The following ANKRD17 variants were observed in gnomAD, a reference collection of about 807,000 sequenced individuals.
ANKRD17 encodes the protein ankyrin repeat domain-containing protein 17.
In ANKRD17, 19 loss-of-function variants were observed where a neutral mutation model predicts 229.7. The observed-to-expected ratio is 0.08, with a 90% CI of 0.06 to 0.12. ANKRD17 has a LOEUF of 0.12. ANKRD17 is among the 10% of genes least tolerant of loss of function. The pLI, the probability that ANKRD17 is intolerant of heterozygous loss-of-function variation, is 1.00. For missense variants in ANKRD17, 2,176 were observed against 3,176.8 expected (o/e 0.68, Z 7.57); for synonymous variants, 1,112 against 1,146.1 (o/e 0.97, Z 0.60).
chr4:73,144,217 G>T lies in ANKRD17; in HGVS notation c.1957+528C>A, dbSNP rs1053039101. On this transcript the variant is annotated intron_variant, in intron 11 of 33. Coordinates refer to ENST00000358602, the MANE Select transcript of ANKRD17 (RefSeq NM_032217.5). ...CCTTTTATTTTATTTGGTCATTAAG[G>T]TCTTTGGTATTCAAACTAAAATTTC... Among the ~76,000 whole-genome samples the T allele has an allele frequency of 8.5e-5, 13 of 152,154 alleles. No individual in the cohort carries two copies. The East Asian group carries it at 2.5e-3, about 29-fold the overall frequency.
intron 24 of ANKRD17, among the ~76,000 whole-genome samples, chr4:73,109,850 T>A (rs1725089242): frequency 6.6e-6 from 1 of 151,604 alleles, no homozygotes; most frequent in African/African-American, 2.4e-5. Flanking sequence ...TCTTACCATT[T>A]ATTGGTCGGT....
At chr4:73,235,654 T>G (rs1209801156) in intron 1 of ANKRD17, among the ~76,000 whole-genome samples, 2 of 152,184 alleles carry the variant, frequency 1.3e-5, no homozygotes. Context: ...CCCGGATAAA[T>G]AGAGTTATAC....
Position 73,082,331 on chromosome 4 carries a change from T to TA in ANKRD17, c.7159+2917dup, listed in dbSNP as rs142215473. Among the ~76,000 whole-genome samples, 723 of 151,654 alleles carry TA rather than the reference T, an allele frequency of 4.8e-3. 3 individuals carry two copies. The highest frequency in any genetic ancestry group is 6.0e-3 in the Non-Finnish European group (404 of 67,872). On this transcript the variant is annotated intron_variant, in intron 30 of 33. Coordinates refer to ENST00000358602, the MANE Select transcript of ANKRD17 (RefSeq NM_032217.5). ...AAAAAATAAATACATAAAAATAAAA[T>TA]AAAAACATTAGCTGGGTGCTATGGC... is the stretch of plus-strand genomic sequence containing the variant.
chr4:73,101,046 A>AG, intron 25 of ANKRD17: 1 of 908,152 alleles, frequency 1.1e-6, no homozygotes, highest in Non-Finnish European at 1.3e-6. Flanking sequence ...TAGGTATTAG[A>AG]GGTAATGTAG....
At chr4:73,214,632 T>C (rs1323939532) in intron 1 of ANKRD17, among the ~76,000 whole-genome samples, 1 of 150,950 alleles carries the variant, frequency 6.6e-6, no homozygotes, top group African/African-American at 2.4e-5. Flanking sequence ...CACTCACAAT[T>C]TTGTATTAAA....
At chr4:73,101,254 T>A in intron 25 of ANKRD17, 1 of 963,234 alleles carries the variant, frequency 1.0e-6, no homozygotes, top group Non-Finnish European at 1.2e-6. Context: ...AATGATTCCT[T>A]CATTTGAAGA....
At chr4:73,101,268 CGAT>C in intron 25 of ANKRD17, 1 of 946,416 alleles carries the variant, frequency 1.1e-6, no homozygotes, top group Non-Finnish European at 1.3e-6. Flanking sequence ...TTGAAGAAAT[CGAT>C]GATCTGGATT....
At chr4:73,130,060 C>G (rs1728002356) in intron 16 of ANKRD17, among the ~76,000 whole-genome samples, 1 of 152,084 alleles carries the variant, frequency 6.6e-6, no homozygotes, top group Non-Finnish European at 1.5e-5. Context: ...CCACTGCACT[C>G]TGCCTATTAA....
chr4:73,081,591 T>C (rs1384593849), intron 30 of ANKRD17, among the ~76,000 whole-genome samples: 1 of 152,178 alleles, frequency 6.6e-6, no homozygotes, highest in Non-Finnish European at 1.5e-5. Flanking sequence ...AACATCAGCT[T>C]ATATATTAGA....
intron 1 of ANKRD17, among the ~76,000 whole-genome samples, chr4:73,249,209 C>T (rs1410362757): frequency 6.6e-6 from 1 of 152,084 alleles, no homozygotes; most frequent in Non-Finnish European, 1.5e-5. Flanking sequence ...ATAAAGAAAC[C>T]CAGACCAAGA....
chr4:73,160,379 C>T (rs911417525), intron 3 of ANKRD17, among the ~76,000 whole-genome samples: 10 of 152,212 alleles, frequency 6.6e-5, no homozygotes, highest in South Asian at 6.2e-4. Flanking sequence ...CCACCACACC[C>T]GGCTAATTTT....
intron 29 of ANKRD17, among the ~76,000 whole-genome samples, chr4:73,086,950 A>ATATATATC (rs1395320739): frequency 1.2e-4 from 11 of 94,192 alleles, no homozygotes; most frequent in African/African-American, 3.7e-4. Flanking sequence ...ATATATATAT[A>ATATATATC]TATCTGTAGG....
At chr4:73,183,232 G>T in intron 1 of ANKRD17, among the ~76,000 whole-genome samples, 1 of 152,070 alleles carries the variant, frequency 6.6e-6, no homozygotes, top group African/African-American at 2.4e-5. Context: ...TGTAAAAACA[G>T]TATTTTTGAG....
intron 1 of ANKRD17, among the ~76,000 whole-genome samples, chr4:73,229,517 CTCTCA>C (rs749933859): frequency 2.0e-5 from 3 of 151,678 alleles, no homozygotes; most frequent in Non-Finnish European, 2.9e-5. Flanking sequence ...GTTACACCTC[CTCTCA>C]TCTAACTTCA....
intron 1 of ANKRD17, among the ~76,000 whole-genome samples, chr4:73,202,589 C>T (rs1738826727): frequency 6.6e-6 from 1 of 152,120 alleles, no homozygotes; most frequent in Non-Finnish European, 1.5e-5. Context: ...AGAAAGGCTA[C>T]ACATACCAGT....
At chr4:73,164,033 T>TA (rs1311926551) in intron 2 of ANKRD17, among the ~76,000 whole-genome samples, 1 of 152,220 alleles carries the variant, frequency 6.6e-6, no homozygotes, top group African/African-American at 2.4e-5. Context: ...GACTGATACC[T>TA]ACTGTATAAT....
chr4:73,116,094 C>A (rs1338180210), intron 22 of ANKRD17, among the ~76,000 whole-genome samples, 178 bp from the exon 23 acceptor site: 1 of 151,714 alleles, frequency 6.6e-6, no homozygotes, highest in Non-Finnish European at 1.5e-5. Flanking sequence ...CCACATTGAT[C>A]ATTCTCATCC....
chr4:73,209,975 G>C (rs141685151), intron 1 of ANKRD17, among the ~76,000 whole-genome samples: 12 of 152,158 alleles, frequency 7.9e-5, no homozygotes, highest in African/African-American at 2.9e-4. Context: ...AAAAACTACA[G>C]GTAACAGAAT....
In ANKRD17 at chr4:73,125,039, C is replaced by G; in HGVS notation, c.3366G>C (p.Leu1122Phe). Residue 1122 changes from leucine to phenylalanine, a missense_variant, in exon 18 of 34, where the codon TTG becomes TTC. Physicochemically the swap from Leu to Phe is conservative, Grantham distance 22. Around this residue, in one of 18 missense-constraint regions of ANKRD17, gnomAD observed 178 missense variants for 421.7 expected, o/e 0.42. Coordinates refer to ENST00000358602, the MANE Select transcript of ANKRD17 (RefSeq NM_032217.5). Reference sequence around the variant, plus strand: ...CACCAACATGACCAGCTGTGGCAGCCAAGATGAGTGGAGTAAAACCTGGAG... The same window carrying G: ...CACCAACATGACCAGCTGTGGCAGCGAAGATGAGTGGAGTAAAACCTGGAG... ...RDKKGFTPLI[L>F]AATAGHVGVV... is the part of the protein sequence containing the mutation. 1 of 1,614,120 alleles carries G rather than the reference C, an allele frequency of 6.2e-7. No homozygotes were observed. Among genetic ancestry groups the G allele is most frequent in the Non-Finnish European group, 8.5e-7 (1 of 1,180,020 alleles).
Sources: allele counts gnomAD v4.1 joint callset (sites outside exome capture counted in the v4.1 genomes callset), GRCh38; gene constraint gnomAD v4.1.1; regional missense constraint gnomAD v4.1.1; transcripts MANE v1.5; gene names NCBI Gene and HGNC (gene_info 2026-07-23, HGNC 2026-07-21).